Variants in LHFPL3 observed in about 807,000 individuals in gnomAD.
The protein encoded by LHFPL3 is LHFPL tetraspan subfamily member 3.
LHFPL3 carries 5 observed loss-of-function variants against 19.3 expected under a neutral mutation model. That is an observed-to-expected ratio of 0.26 (90% CI 0.14 to 0.54). LHFPL3 has a LOEUF of 0.54. Ranked by LOEUF, LHFPL3 falls within the 20% of genes least tolerant of loss-of-function variation. LHFPL3 has a pLI of 0.94. For synonymous variants in LHFPL3, 133 were observed against 126.2 expected, an observed-to-expected ratio of 1.05 and a Z score of -0.36; for missense variants, 249 against 307.4, an observed-to-expected ratio of 0.81 and a Z score of 1.42.
At chr7:104,374,084 AGATAGG>A (rs903482116) in intron 1 of LHFPL3, among the ~76,000 whole-genome samples, 1 of 152,118 alleles carries the variant, frequency 6.6e-6, no homozygotes, top group African/African-American at 2.4e-5. Flanking sequence ...CAGACCCCTT[AGATAGG>A]AATTTGAGCA....
At position 104,579,153 on chromosome 7, in the gene LHFPL3, G is replaced by C. The variant is rs2116015134; in HGVS notation, c.446-157522G>C. Among the ~76,000 whole-genome samples, 3 of 152,262 alleles carry C rather than the reference G, an allele frequency of 2.0e-5. No homozygotes were observed. The Middle Eastern group carries it at 0.01, about 518-fold the overall frequency. ...TCTGTATACTATTGGAAGGCAATAT[G>C]CTTTATTCTGTCTTTTTAATTTTAG... On this transcript the variant is annotated intron_variant, in intron 1 of 2. Transcript: ENST00000424859.
chr7:104,468,007 G>A (rs987097210), intron 1 of LHFPL3, among the ~76,000 whole-genome samples: 1 of 152,172 alleles, frequency 6.6e-6, no homozygotes, highest in Non-Finnish European at 1.5e-5. Context: ...GTATCTGTCT[G>A]TTCAGTGTAC....
At chr7:104,451,872 G>A (rs897750734) in intron 1 of LHFPL3, among the ~76,000 whole-genome samples, 8 of 151,964 alleles carry the variant, frequency 5.3e-5, no homozygotes, top group Non-Finnish European at 7.4e-5. Flanking sequence ...AGCCTTCCAA[G>A]TAGCTGCAGC....
At chr7:104,752,243 T>C (rs973930175) in intron 2 of LHFPL3, among the ~76,000 whole-genome samples, 5 of 152,146 alleles carry the variant, frequency 3.3e-5, no homozygotes, top group African/African-American at 1.2e-4. Context: ...ATAGTCAACA[T>C]TTTGCGTTGA....
At chr7:104,590,529 C>T (rs1416924146) in intron 1 of LHFPL3, among the ~76,000 whole-genome samples, 1 of 152,146 alleles carries the variant, frequency 6.6e-6, no homozygotes, top group Non-Finnish European at 1.5e-5. Context: ...TGCTTTACTT[C>T]CAACTATGTG....
At chr7:104,905,869 C>T (rs532846051) in intron 2 of LHFPL3, among the ~76,000 whole-genome samples, 1 of 152,260 alleles carries the variant, frequency 6.6e-6, no homozygotes, top group South Asian at 2.1e-4. Context: ...CACATTTTTC[C>T]ATGCTAAGCA....
At chr7:104,424,719 C>A (rs749015888) in intron 1 of LHFPL3, among the ~76,000 whole-genome samples, 1 of 151,986 alleles carries the variant, frequency 6.6e-6, no homozygotes, top group Admixed American at 6.5e-5. Flanking sequence ...TGGCCGGGCG[C>A]GGTGGCTCAC....
chr7:104,615,617 G>T (rs1292105748), intron 1 of LHFPL3, among the ~76,000 whole-genome samples: 1 of 152,136 alleles, frequency 6.6e-6, no homozygotes, highest in Non-Finnish European at 1.5e-5. Flanking sequence ...GTGGTTTGCT[G>T]CACCCATCAA....
chr7:104,411,689 T>A (rs17137413), intron 1 of LHFPL3, among the ~76,000 whole-genome samples: 6,269 of 152,078 alleles, frequency 0.041, 450 homozygotes, highest in African/African-American at 0.14. Context: ...TTTGAGGCTA[T>A]CAGAATATCA....
intron 1 of LHFPL3, among the ~76,000 whole-genome samples, chr7:104,332,934 T>C (rs1313471083): frequency 9.7e-6 from 1 of 102,640 alleles, no homozygotes; most frequent in Non-Finnish European, 2.0e-5. Context: ...AGAAAGGCAA[T>C]TTCTTCAGAA....
intron 1 of LHFPL3, among the ~76,000 whole-genome samples, chr7:104,335,339 A>G (rs1342125535): frequency 6.6e-6 from 1 of 152,232 alleles, no homozygotes; most frequent in Non-Finnish European, 1.5e-5. Flanking sequence ...ACAGCCAGTG[A>G]GGGCAGTTTT....
intron 1 of LHFPL3, among the ~76,000 whole-genome samples, chr7:104,417,412 A>G (rs954340191): frequency 2.6e-5 from 4 of 152,216 alleles, no homozygotes; most frequent in Non-Finnish European, 4.4e-5. Flanking sequence ...TTGTAACTCA[A>G]TTGATAAAAT....
intron 1 of LHFPL3, among the ~76,000 whole-genome samples, chr7:104,508,808 A>G (rs1425409891): frequency 7.4e-6 from 1 of 134,470 alleles, no homozygotes; most frequent in Admixed American, 7.0e-5. Flanking sequence ...GAAGAAAAAA[A>G]GAGAAAACCA....
chr7:104,583,619 C>G (rs1790506249), intron 1 of LHFPL3, among the ~76,000 whole-genome samples: 1 of 151,780 alleles, frequency 6.6e-6, no homozygotes, highest in Admixed American at 6.6e-5. Context: ...TACAAGAAAA[C>G]AAATAACCCC....
intron 1 of LHFPL3, among the ~76,000 whole-genome samples, chr7:104,396,785 T>C (rs1389422052): frequency 6.6e-6 from 1 of 151,872 alleles, no homozygotes; most frequent in African/African-American, 2.4e-5. Flanking sequence ...GGCAAAATCC[T>C]GCCTCTACCA....
At chr7:104,710,245 T>C (rs1004204376) in intron 1 of LHFPL3, among the ~76,000 whole-genome samples, 1 of 152,238 alleles carries the variant, frequency 6.6e-6, no homozygotes, top group Non-Finnish European at 1.5e-5. Context: ...ATGGGAACTT[T>C]AGTATTGTTG....
At chr7:104,895,536 A>C (rs796245209) in intron 2 of LHFPL3, 4 of 152,452 alleles carry the variant, frequency 2.6e-5, no homozygotes, top group African/African-American at 9.6e-5. Context: ...CCCTCAGGAC[A>C]CTGCAGAGGT....
chr7:104,449,835 A>C (rs903797490), intron 1 of LHFPL3, among the ~76,000 whole-genome samples: 1 of 152,154 alleles, frequency 6.6e-6, no homozygotes, highest in Non-Finnish European at 1.5e-5. Context: ...TCTCTTCCCA[A>C]AAAATGCTGA....
intron 1 of LHFPL3, among the ~76,000 whole-genome samples, chr7:104,543,262 C>T (rs1313749787): frequency 6.6e-6 from 1 of 152,042 alleles, no homozygotes; most frequent in Non-Finnish European, 1.5e-5. Context: ...AGTCAGGAAA[C>T]AACAGGTGCT....
Sources: gnomAD v4.1 joint callset for allele counts (sites outside exome capture counted in the v4.1 genomes callset) on GRCh38, gnomAD v4.1.1 for gene constraint, MANE v1.5 for transcripts, NCBI Gene and HGNC (gene_info 2026-07-23, HGNC 2026-07-21) for gene names.